DENND4A: variants seen among roughly 807,000 people sequenced by gnomAD.
DENND4A encodes the protein C-myc promoter-binding protein.
In DENND4A, 70 loss-of-function variants were observed where a neutral mutation model predicts 199.3. The observed-to-expected ratio is 0.35, with a 90% CI of 0.29 to 0.43. The LOEUF (loss-of-function observed/expected upper bound fraction) is 0.43, where lower values mean the gene tolerates loss of function less well. Among genes scored for constraint, DENND4A ranks in the 20% least tolerant of loss-of-function variants. The probability of loss-of-function intolerance (pLI) is 1.00; values close to 1 mark genes in which losing one functional copy is unlikely to be tolerated. For synonymous variants in DENND4A, 686 were observed against 766.9 expected (o/e 0.89, Z 1.74); for missense variants, 1,723 against 2,255.8 (o/e 0.76, Z 4.78).
At chr15:65,720,717 A>G (rs986767829) in intron 12 of DENND4A, among the ~76,000 whole-genome samples, 1 of 149,858 alleles carries the variant, frequency 6.7e-6, no homozygotes, top group African/African-American at 2.5e-5. Context: ...CAGTCAAGAA[A>G]GCCTAGGTTT....
rs1161018429 is a variant in DENND4A, at chr15:65,671,877, G to A, written c.4379C>T (p.Ser1460Leu). The change falls in exon 25 of 33, where the codon TCG becomes TTG. Residue 1460 changes from serine (S) to leucine (L), a missense_variant. Transcript: ENST00000443035. Reference sequence around the variant, plus strand: ...TGATTTCCCAGGTAAGGCAAACTTCGACAGAGATCCTGTTCATTAGTGAAA... The same window carrying A: ...TGATTTCCCAGGTAAGGCAAACTTCAACAGAGATCCTGTTCATTAGTGAAA... ...ESSASLEGSLSKFALPGKSEV... is the reference protein window; with the variant it reads ...ESSASLEGSLLKFALPGKSEV... The A allele has an allele frequency of 1.9e-6, 3 of 1,598,344 alleles. No homozygotes were observed. Among genetic ancestry groups the A allele is most frequent in the Non-Finnish European group, 2.6e-6 (3 of 1,165,940 alleles).
At chr15:65,723,732 T>G (rs557395788) in intron 11 of DENND4A, among the ~76,000 whole-genome samples, 137 of 152,256 alleles carry the variant, frequency 9.0e-4, no homozygotes, top group African/African-American at 3.2e-3. Flanking sequence ...TAACAATAAT[T>G]TATAATAAAA....
intron 1 of DENND4A, among the ~76,000 whole-genome samples, chr15:65,790,439 T>G (rs2077684581): frequency 1.3e-5 from 2 of 152,220 alleles, no homozygotes; most frequent in Non-Finnish European, 2.9e-5. Context: ...TACACTGTTA[T>G]AAAATTCCAC....
At chr15:65,755,596 T>G (rs1035345052) in intron 3 of DENND4A, among the ~76,000 whole-genome samples, 3 of 151,776 alleles carry the variant, frequency 2.0e-5, no homozygotes, top group Non-Finnish European at 4.4e-5. Context: ...CAAGACCCTG[T>G]CTCTACAAAA....
intron 1 of DENND4A, among the ~76,000 whole-genome samples, chr15:65,774,868 CTTTTTT>C (rs397854207): frequency 7.1e-5 from 8 of 112,060 alleles, no homozygotes; most frequent in African/African-American, 2.4e-4. Flanking sequence ...CAAATGTTTA[CTTTTTT>C]TTTTTTTTTT....
chr15:65,683,769 T>C (rs1302978583), intron 23 of DENND4A, among the ~76,000 whole-genome samples: 2 of 152,234 alleles, frequency 1.3e-5, no homozygotes, highest in African/African-American at 4.8e-5. Flanking sequence ...CATTCACTCA[T>C]ATTAAGTCTA....
At chr15:65,702,217 C>A in intron 17 of DENND4A, 88 bp downstream of exon 17, 1 of 1,093,414 alleles carries the variant, frequency 9.1e-7, no homozygotes, top group South Asian at 1.4e-5. Flanking sequence ...TGCAGTGAGC[C>A]ATGACTGCAT....
chr15:65,764,306 T>C (rs1322340957), intron 1 of DENND4A, among the ~76,000 whole-genome samples: 1 of 152,108 alleles, frequency 6.6e-6, no homozygotes, highest in African/African-American at 2.4e-5. Flanking sequence ...AAGACCAGCC[T>C]GGGCAACACA....
chr15:65,749,943 G>A (rs1036830032), intron 4 of DENND4A, among the ~76,000 whole-genome samples: 3 of 152,036 alleles, frequency 2.0e-5, no homozygotes, highest in Non-Finnish European at 1.5e-5. Flanking sequence ...AATATCTACA[G>A]AAAATGCACA....
Position 65,663,206 on chromosome 15 carries a change from T to TTTA in DENND4A, c.5587+1123_5587+1124insTAA, listed in dbSNP as rs1555410354. ...TATATATATATATATATATTTTTTT[T>TTTA]TTTTTATTTTTTTTTTTGGTTAGAC... is the stretch of plus-strand genomic sequence containing the variant. On this transcript the variant is annotated intron_variant, in intron 32 of 32. Transcript: ENST00000443035. Among the ~76,000 whole-genome samples the TTTA allele has an allele frequency of 4.1e-4, 60 of 144,840 alleles. 1 individual carries two copies. Among genetic ancestry groups the TTTA allele is most frequent in the African/African-American group, 1.5e-3 (59 of 38,862 alleles).
At chr15:65,735,963 C>T (rs1385515972) in intron 7 of DENND4A, among the ~76,000 whole-genome samples, 3 of 152,142 alleles carry the variant, frequency 2.0e-5, no homozygotes, top group Admixed American at 6.6e-5. Context: ...TGGTGGCACA[C>T]GCCTGTAATC....
At position 65,661,646 on chromosome 15, in the gene DENND4A, A is replaced by C. The variant is rs762635609; in HGVS notation, c.*205T>G. On this transcript the variant is annotated 3_prime_UTR_variant, in exon 33 of 33. Transcript: ENST00000443035. The stretch of plus-strand genomic sequence containing the variant: ...TTACAGGGGAGTTAAAGAAGAAGAA[A>C]AAAGAAATGAGAAACAAAGTGGCTT... 7 of 399,908 alleles carry C rather than the reference A, an allele frequency of 1.8e-5. No individual in the cohort carries two copies. The highest frequency in any genetic ancestry group is 3.1e-5 in the Non-Finnish European group (7 of 227,926). The allele number at this position is 399,908 out of a possible 1,614,324, so 24.8% of individuals were successfully genotyped here.
chr15:65,694,249 G>C (rs896099348), intron 22 of DENND4A, among the ~76,000 whole-genome samples: 1 of 152,160 alleles, frequency 6.6e-6, no homozygotes, highest in Non-Finnish European at 1.5e-5. Flanking sequence ...GGGAATTTGA[G>C]ACCAGCTTGG....
At chr15:65,791,350 C>T (rs2077715117) in intron 1 of DENND4A, among the ~76,000 whole-genome samples, 1 of 152,200 alleles carries the variant, frequency 6.6e-6, no homozygotes, top group Admixed American at 6.5e-5. Context: ...CGCTGCGACC[C>T]AATTTTAGGT....
intron 12 of DENND4A, among the ~76,000 whole-genome samples, chr15:65,718,302 C>T (rs888230481): frequency 5.9e-5 from 9 of 152,168 alleles, no homozygotes; most frequent in Admixed American, 3.9e-4. Context: ...TCACTTGAGG[C>T]TAGGAGTTCA....
In DENND4A at chr15:65,783,095, A is replaced by G. The variant is rs553388247; in HGVS notation, c.-102+8915T>C. On this transcript the variant is annotated intron_variant, in intron 1 of 32. Coordinates refer to ENST00000443035, the MANE Select transcript of DENND4A (RefSeq NM_001320835.1). ...ATTACCATGTAATTTAGATCAATTT[A>G]TTAAAAATAAAATTAAAATACAGAT... Among the ~76,000 whole-genome samples, 11 of 152,138 alleles carry G rather than the reference A, an allele frequency of 7.2e-5. No individual in the cohort carries two copies. In the South Asian group the frequency reaches 1.9e-3, roughly 26 times the overall value.
chr15:65,760,631 A>G (rs2140745958), intron 2 of DENND4A, among the ~76,000 whole-genome samples: 1 of 151,868 alleles, frequency 6.6e-6, no homozygotes, highest in South Asian at 2.1e-4. Context: ...GCTCATGCCT[A>G]TAATCCCAGC....
At chr15:65,727,858 A>G (rs1045809849) in intron 11 of DENND4A, 1 of 393,214 alleles carries the variant, frequency 2.5e-6, no homozygotes, top group South Asian at 1.9e-5. Context: ...TCCGATAGCT[A>G]TAACTTACAT....
intron 23 of DENND4A, among the ~76,000 whole-genome samples, chr15:65,679,891 A>G (rs891676692): frequency 5.9e-5 from 9 of 152,128 alleles, no homozygotes; most frequent in Non-Finnish European, 1.3e-4. Context: ...GTTGGTGGGT[A>G]CTTCAGTATA....
Sources: allele counts gnomAD v4.1 joint callset (sites outside exome capture counted in the v4.1 genomes callset), GRCh38; gene constraint gnomAD v4.1.1; transcripts MANE v1.5; gene names NCBI Gene and HGNC (gene_info 2026-07-23, HGNC 2026-07-21).